The following HEXB variants were observed in gnomAD, a reference collection of about 807,000 sequenced individuals.
The protein encoded by HEXB is hexosaminidase subunit beta, also known as beta-hexosaminidase subunit beta.
HEXB carries 51 observed loss-of-function variants against 71.2 expected under a neutral mutation model. The observed-to-expected ratio is 0.72, with a 90% CI of 0.57 to 0.90. HEXB has a LOEUF of 0.90. Among genes scored for constraint, HEXB ranks in the 40% least tolerant of loss-of-function variants. HEXB has a pLI of 0.00. For synonymous variants in HEXB, 266 were observed against 249.3 expected (o/e 1.07, Z -0.63); for missense variants, 617 against 677.0 (o/e 0.91, Z 0.98).
intron 1 of HEXB, among the ~76,000 whole-genome samples, chr5:74,670,881 AC>A (rs1748524001): frequency 6.6e-6 from 1 of 151,240 alleles, no homozygotes; most frequent in Non-Finnish European, 1.5e-5. Flanking sequence ...TCGCTCACAC[AC>A]CCCCTCCCAC....
upstream of HEXB, among the ~76,000 whole-genome samples, chr5:74,684,670 T>G (rs1561213310): frequency 7.0e-6 from 1 of 142,862 alleles, no homozygotes; most frequent in African/African-American, 2.7e-5. Flanking sequence ...TTTCTTTTTC[T>G]TTTCTTTTTT....
intron 7 of HEXB, among the ~76,000 whole-genome samples, chr5:74,714,134 CAGG>C (rs1319734474): frequency 6.6e-6 from 1 of 152,154 alleles, no homozygotes; most frequent in African/African-American, 2.4e-5. Context: ...TGCGCCTGGC[CAGG>C]AGTTGTATTT....
intron 1 of HEXB, among the ~76,000 whole-genome samples, chr5:74,667,950 C>G (rs531896240): frequency 6.6e-6 from 1 of 152,266 alleles, no homozygotes; most frequent in African/African-American, 2.4e-5. Context: ...AATTACCACA[C>G]AGGTTATATA....
chr5:74,651,690 G>A (rs955707416), intron 1 of HEXB, among the ~76,000 whole-genome samples: 2 of 152,152 alleles, frequency 1.3e-5, no homozygotes, highest in Admixed American at 6.5e-5. Context: ...AATAACCGAG[G>A]TCTCTTTTGA....
At chr5:74,720,928 C>CA (rs1749827371) in intron 13 of HEXB, 181 bp downstream of exon 13, 3 of 762,026 alleles carry the variant, frequency 3.9e-6, no homozygotes, top group Admixed American at 4.8e-5. Context: ...TTTATAGATA[C>CA]AAAAAATGTT....
chr5:74,668,933 T>A (rs1017869386), intron 1 of HEXB, among the ~76,000 whole-genome samples: 21 of 152,186 alleles, frequency 1.4e-4, no homozygotes, highest in African/African-American at 4.3e-4. Context: ...CTACAGAATG[T>A]TTATTGGTTT....
At chr5:74,653,211 T>C (rs957103420) in intron 1 of HEXB, among the ~76,000 whole-genome samples, 1 of 152,230 alleles carries the variant, frequency 6.6e-6, no homozygotes, top group South Asian at 2.1e-4. Flanking sequence ...TCAAGTACCA[T>C]GACTCACATT....
At chr5:74,646,006 T>G (rs1747995918) in intron 1 of HEXB, among the ~76,000 whole-genome samples, 1 of 152,014 alleles carries the variant, frequency 6.6e-6, no homozygotes, top group Non-Finnish European at 1.5e-5. Context: ...GAACCAAACT[T>G]GGATCCCTAC....
intron 9 of HEXB, among the ~76,000 whole-genome samples, chr5:74,717,680 T>A (rs780828123): frequency 2.0e-5 from 3 of 151,502 alleles, no homozygotes; most frequent in Non-Finnish European, 2.9e-5. Context: ...TAAAAAAAAA[T>A]GCTTTACAAA....
At chr5:74,682,113 C>A (rs1364448630), upstream of HEXB, among the ~76,000 whole-genome samples, 2 of 152,226 alleles carry the variant, frequency 1.3e-5, no homozygotes, top group South Asian at 2.1e-4. Context: ...AATCCCAGCA[C>A]TTTGGGAGGC....
chr5:74,707,677 G>C (rs1209425647), intron 6 of HEXB, among the ~76,000 whole-genome samples: 1 of 152,196 alleles, frequency 6.6e-6, no homozygotes, highest in Non-Finnish European at 1.5e-5. Context: ...TCAACTGGAA[G>C]AAAGGGTATC....
chr5:74,663,936 G>A (rs1748378753), intron 1 of HEXB, among the ~76,000 whole-genome samples: 1 of 151,424 alleles, frequency 6.6e-6, no homozygotes, highest in South Asian at 2.1e-4. Context: ...GACCAGCCTG[G>A]GCAACATAGT....
At chr5:74,661,509 CTCTCTGTGTGTGTGTGTG>C (rs1392909361) in intron 1 of HEXB, among the ~76,000 whole-genome samples, 1 of 71,380 alleles carries the variant, frequency 1.4e-5, no homozygotes, top group African/African-American at 4.1e-5. Context: ...CATTTTCTCT[CTCTCTGTGTGTGTGTGTG>C]TGTGTGTGTG....
rs1401801392 is a variant in HEXB at position 74,652,946 on chromosome 5, T to C, written c.-377+12388T>C. 6.6e-6 allele frequency among the ~76,000 whole-genome samples: 1 copy of C among 152,216 alleles called. No individual in the cohort carries two copies. Among genetic ancestry groups the C allele is most frequent in the East Asian group, 1.9e-4 (1 of 5,198 alleles). On this transcript the variant is annotated intron_variant, in intron 1 of 13. Coordinates refer to the HEXB transcript ENST00000511181. This position sits in a 1 kb window ranked among gnomAD's most constrained non-coding sequence, Gnocchi z 5.4. ...GTCATTTTTAATGCCCTCTTTGCTT[T>C]ACTGAAATGGAATTTATAGATAATA...
At chr5:74,716,733 T>C (rs1469471263) in intron 9 of HEXB, 60 bp downstream of exon 9, 4 of 1,081,532 alleles carry the variant, frequency 3.7e-6, no homozygotes, top group Non-Finnish European at 1.4e-6. Flanking sequence ...TATTTAGTAA[T>C]GTGCTTTATT....
At chr5:74,720,179 G>T in intron 11 of HEXB, 2 of 522,588 alleles carry the variant, frequency 3.8e-6, no homozygotes, top group East Asian at 3.5e-5. Flanking sequence ...ATTAATCTAT[G>T]GTGCTAACAC....
intron 7 of HEXB, among the ~76,000 whole-genome samples, chr5:74,714,867 A>G (rs1280558690): frequency 6.6e-6 from 1 of 152,204 alleles, no homozygotes; most frequent in East Asian, 1.9e-4. Context: ...TCATCAGGAC[A>G]CACTGGAAAC....
chr5:74,717,083 G>A (rs946078557), intron 9 of HEXB, among the ~76,000 whole-genome samples: 5 of 152,128 alleles, frequency 3.3e-5, no homozygotes, highest in Admixed American at 1.3e-4. Context: ...CCAGCTACTC[G>A]GGCGGCTGAG....
chr5:74,717,981 G>C (rs1019259650), intron 9 of HEXB, among the ~76,000 whole-genome samples: 2 of 152,184 alleles, frequency 1.3e-5, no homozygotes, highest in Non-Finnish European at 2.9e-5. Flanking sequence ...AGAGATTGCT[G>C]TTTGTACAAT....
Sources: allele counts gnomAD v4.1 joint callset (sites outside exome capture counted in the v4.1 genomes callset), GRCh38; gene constraint gnomAD v4.1.1; non-coding constraint Gnocchi (gnomAD v3.1); transcripts MANE v1.5; gene names NCBI Gene and HGNC (gene_info 2026-07-23, HGNC 2026-07-21).